Variants in CACNA2D3 observed in about 807,000 individuals in gnomAD.
CACNA2D3 encodes voltage-dependent calcium channel subunit alpha-2/delta-3.
In CACNA2D3, 60 loss-of-function variants were observed where a neutral mutation model predicts 160.6. The observed-to-expected ratio is 0.37, with a 90% CI of 0.30 to 0.46. The LOEUF (loss-of-function observed/expected upper bound fraction) is 0.46, where lower values mean the gene tolerates loss of function less well. Ranked by LOEUF, CACNA2D3 falls within the 20% of genes least tolerant of loss-of-function variation. The pLI, the probability that CACNA2D3 is intolerant of heterozygous loss-of-function variation, is 1.00. For missense variants in CACNA2D3, 1,205 were observed against 1,365.0 expected (o/e 0.88, Z 1.85); for synonymous variants, 558 against 492.9 (o/e 1.13, Z -1.75).
chr3:54,764,538 A>G (rs551296408), intron 13 of CACNA2D3, among the ~76,000 whole-genome samples, 187 bp downstream of exon 13: 2 of 152,356 alleles, frequency 1.3e-5, no homozygotes, highest in South Asian at 2.1e-4. Flanking sequence ...ACTAGAAAGT[A>G]TGACACGTAC....
At chr3:55,025,160 A>G (rs1703539459) in intron 35 of CACNA2D3, among the ~76,000 whole-genome samples, 1 of 152,198 alleles carries the variant, frequency 6.6e-6, no homozygotes, top group Non-Finnish European at 1.5e-5. Flanking sequence ...ATTTTTCCTT[A>G]TTAGAAATCG....
intron 4 of CACNA2D3, among the ~76,000 whole-genome samples, chr3:54,451,230 T>TTA (rs1491157241): frequency 2.0e-3 from 23 of 11,790 alleles, no homozygotes; most frequent in African/African-American, 5.7e-3. Flanking sequence ...TATAATAATC[T>TTA]TTTTTTTTTT....
chr3:54,252,100 G>GTTTTTT (rs548233026), intron 2 of CACNA2D3, among the ~76,000 whole-genome samples: 2,295 of 120,878 alleles, frequency 0.019, 148 homozygotes, highest in East Asian at 0.11. Flanking sequence ...TGCAGAGCTA[G>GTTTTTT]TTTTTTTTTT....
chr3:54,351,184 G>C (rs941318919), intron 3 of CACNA2D3, among the ~76,000 whole-genome samples: 2 of 151,682 alleles, frequency 1.3e-5, no homozygotes, highest in Non-Finnish European at 2.9e-5. Flanking sequence ...GTTACCGCAT[G>C]TTGGCCAGGC....
intron 33 of CACNA2D3, among the ~76,000 whole-genome samples, chr3:55,008,598 A>G (rs763486491): frequency 6.6e-6 from 1 of 152,066 alleles, no homozygotes; most frequent in Non-Finnish European, 1.5e-5. Flanking sequence ...TGTAACCTAT[A>G]TTAATTTAAT....
At chr3:54,546,838 G>A (rs780171346) in intron 5 of CACNA2D3, among the ~76,000 whole-genome samples, 23 of 152,196 alleles carry the variant, frequency 1.5e-4, no homozygotes, top group Middle Eastern at 3.2e-3. Flanking sequence ...CTTTGTTTCT[G>A]TGTTAATTAA....
chr3:54,731,859 A>T (rs577943495), intron 11 of CACNA2D3, among the ~76,000 whole-genome samples: 1 of 152,186 alleles, frequency 6.6e-6, no homozygotes, highest in South Asian at 2.1e-4. Context: ...GAACAAGCAG[A>T]AACGTATAGG....
chr3:55,064,846 G>A (rs1704599848), intron 35 of CACNA2D3, among the ~76,000 whole-genome samples: 1 of 152,152 alleles, frequency 6.6e-6, no homozygotes, highest in Non-Finnish European at 1.5e-5. Flanking sequence ...TGACTGCATA[G>A]AGGGTAACAC....
At chr3:55,005,399 C>T (rs1703073384) in intron 32 of CACNA2D3, among the ~76,000 whole-genome samples, 2 of 152,130 alleles carry the variant, frequency 1.3e-5, no homozygotes, top group Admixed American at 1.3e-4. Flanking sequence ...ATGCAGCAGC[C>T]CCTTGTGACA....
chr3:54,759,304 A>C (rs1401172174), intron 12 of CACNA2D3, among the ~76,000 whole-genome samples: 1 of 152,222 alleles, frequency 6.6e-6, no homozygotes, highest in Non-Finnish European at 1.5e-5. Context: ...TAAACATTCA[A>C]GACCTAGAAT....
intron 3 of CACNA2D3, among the ~76,000 whole-genome samples, chr3:54,325,389 T>C (rs1395606943): frequency 6.6e-6 from 1 of 152,240 alleles, no homozygotes; most frequent in Non-Finnish European, 1.5e-5. Flanking sequence ...TTTATGATTT[T>C]ATGCTAATAT....
At chr3:54,904,215 A>G (rs2106897334) in intron 27 of CACNA2D3, among the ~76,000 whole-genome samples, 1 of 152,278 alleles carries the variant, frequency 6.6e-6, no homozygotes, top group East Asian at 1.9e-4. Context: ...AGTTTTATAA[A>G]TTACGCTGAT....
At position 54,150,343 on chromosome 3, in the gene CACNA2D3, T is replaced by C. The variant is rs192011808; in HGVS notation, c.204+26749T>C. Among the ~76,000 whole-genome samples the C allele has an allele frequency of 1.4e-3, 218 of 152,234 alleles. 2 individuals are homozygous for C. Among genetic ancestry groups the C allele is most frequent in the African/African-American group, 5.0e-3 (206 of 41,530 alleles). ...AGGGGATTTTGAAGGAAAAATATAATGAAAATGAAAGGCACAATGGAATCT... is the reference window on the plus strand; with the variant it reads ...AGGGGATTTTGAAGGAAAAATATAACGAAAATGAAAGGCACAATGGAATCT... On this transcript the variant is annotated intron_variant, in intron 2 of 37. Transcript: ENST00000474759.
At chr3:54,374,107 G>C (rs1698968842) in intron 3 of CACNA2D3, among the ~76,000 whole-genome samples, 2 of 152,178 alleles carry the variant, frequency 1.3e-5, no homozygotes, top group Admixed American at 1.3e-4. Flanking sequence ...TTAATAAAGG[G>C]AATTAAAGGC....
chr3:54,391,105 C>T (rs1699272001), intron 4 of CACNA2D3, among the ~76,000 whole-genome samples: 1 of 152,212 alleles, frequency 6.6e-6, no homozygotes, highest in Admixed American at 6.5e-5. Context: ...GATGATGGAT[C>T]TGCCCCTTCT....
At chr3:54,864,873 G>A (rs1699365661) in intron 17 of CACNA2D3, among the ~76,000 whole-genome samples, 1 of 152,134 alleles carries the variant, frequency 6.6e-6, no homozygotes, top group African/African-American at 2.4e-5. Context: ...CTGCCTGTCA[G>A]CCATGTCACC....
intron 35 of CACNA2D3, among the ~76,000 whole-genome samples, chr3:55,063,611 G>T (rs1412529201): frequency 6.6e-6 from 1 of 152,208 alleles, no homozygotes; most frequent in Non-Finnish European, 1.5e-5. Context: ...TAGGTCAGCA[G>T]CCTGGATGTT....
chr3:54,565,048 G>C (rs1193068673), intron 6 of CACNA2D3, among the ~76,000 whole-genome samples: 3 of 152,138 alleles, frequency 2.0e-5, no homozygotes, highest in African/African-American at 7.2e-5. Flanking sequence ...CTCAGTGGGG[G>C]TTCCAGGGGA....
intron 4 of CACNA2D3, among the ~76,000 whole-genome samples, chr3:54,410,116 G>C (rs4974363): frequency 0.34 from 51,618 of 151,844 alleles, 9,115 homozygotes; most frequent in African/African-American, 0.42. Context: ...TTTGGGAGGC[G>C]AAGGTGGACA....
Sources: allele counts gnomAD v4.1 joint callset (sites outside exome capture counted in the v4.1 genomes callset), GRCh38; gene constraint gnomAD v4.1.1; transcripts MANE v1.5; gene names NCBI Gene and HGNC (gene_info 2026-07-23, HGNC 2026-07-21).